TTC7A: variants seen among roughly 807,000 people sequenced by gnomAD.
The protein encoded by TTC7A is tetratricopeptide repeat domain 7A, also known as tetratricopeptide repeat protein 7A.
Under a neutral mutation model 103.7 loss-of-function variants are expected in TTC7A, and 110 were observed. The ratio of observed to expected loss-of-function variants is 1.06; its 90% CI spans 0.91 to 1.24. The LOEUF is 1.24. Among genes scored for constraint, TTC7A ranks in the 50% most tolerant of loss-of-function variants. The pLI is 0.00. For missense variants in TTC7A, 1,340 were observed against 1,116.3 expected (o/e 1.20, Z -2.86); for synonymous variants, 521 against 467.9 (o/e 1.11, Z -1.47).
chr2:47,070,802 A>G (rs1293693912), intron 19 of TTC7A, among the ~76,000 whole-genome samples: 1 of 152,142 alleles, frequency 6.6e-6, no homozygotes, highest in Non-Finnish European at 1.5e-5. Flanking sequence ...TAACCAGCCC[A>G]AAGCGCCCCC....
At chr2:47,024,928 C>G (rs901302288) in intron 14 of TTC7A, among the ~76,000 whole-genome samples, 1 of 152,176 alleles carries the variant, frequency 6.6e-6, no homozygotes, top group African/African-American at 2.4e-5. Context: ...GTCCAGGACT[C>G]CCCACCTCAG....
chr2:46,960,089 C>T (rs996626845), intron 3 of TTC7A, among the ~76,000 whole-genome samples: 1 of 152,316 alleles, frequency 6.6e-6, no homozygotes. Flanking sequence ...CACATGTGCT[C>T]AGACTGACCA....
In TTC7A at chr2:46,916,227, A is replaced by T. The variant is rs916747164; in HGVS notation, c.-363A>T. The T allele has an allele frequency of 6.5e-5, 60 of 929,982 alleles. 1 individual carries two copies. In the African/African-American group the frequency reaches 9.6e-4, roughly 15 times the overall value. The allele number at this position is 929,982 out of a possible 1,614,324, so 57.6% of individuals were successfully genotyped here. A position where few individuals can be genotyped will look rare whatever the true frequency, so the allele number is the denominator to read the frequency against. On this transcript the variant is annotated 5_prime_UTR_variant, in exon 1 of 21. Transcript: ENST00000409245. ...GCAAGTTGGGAAGAAAGATAATAGG[A>T]ATGCTAATTCCTTCTTGATGAAACG...
chr2:47,073,986 C>A lies in TTC7A; in HGVS notation c.*63C>A. On this transcript the variant is annotated 3_prime_UTR_variant, in exon 20 of 20. Transcript: ENST00000319190. Reference sequence around the variant, plus strand: ...GGGAGAGGCAGCAGGGAACGTGGGTCAGGGTGGGGCAACAGTGGCATCAGG... The same window carrying A: ...GGGAGAGGCAGCAGGGAACGTGGGTAAGGGTGGGGCAACAGTGGCATCAGG... 1.5e-6 allele frequency: 2 copies of A among 1,369,116 alleles called. No individual in the cohort carries two copies. The highest frequency in any genetic ancestry group is 2.0e-6 in the Non-Finnish European group (2 of 988,752). 84.8% of individuals were successfully genotyped at this position (1,369,116 alleles called of 1,614,324 possible).
intron 2 of TTC7A, among the ~76,000 whole-genome samples, chr2:46,928,151 C>T (rs1227577872): frequency 6.6e-6 from 1 of 151,850 alleles, no homozygotes; most frequent in Non-Finnish European, 1.5e-5. Flanking sequence ...CTTAACCTCC[C>T]AAAGTGCCGG....
intron 15 of TTC7A, among the ~76,000 whole-genome samples, chr2:47,036,818 A>T (rs1319870080): frequency 1.3e-5 from 2 of 152,214 alleles, no homozygotes; most frequent in African/African-American, 4.8e-5. Context: ...TGATCACACT[A>T]TTACACTCCA....
intron 16 of TTC7A, chr2:47,047,143 C>T (rs758341031): frequency 1.6e-6 from 1 of 631,652 alleles, no homozygotes; most frequent in Non-Finnish European, 2.8e-6. Flanking sequence ...GGAAAGTGGG[C>T]CTCCTTCAGG....
In TTC7A at chr2:46,941,753, G is replaced by A. The variant is rs6755386; in HGVS notation, c.184+28G>A. On this transcript the variant is annotated intron_variant, in intron 1 of 19. Coordinates refer to ENST00000319190, the MANE Select transcript of TTC7A (RefSeq NM_020458.4). This position sits in a 1 kb window ranked among gnomAD's most constrained non-coding sequence, Gnocchi z 4.2. ...GAGTAAGGGAAGAGGCTGGCTCGCC[G>A]GCAGCGAGCGCGCGAAACGCACCGC... 6.5e-7 allele frequency: 1 copy of A among 1,547,004 alleles called. No individual in the cohort carries two copies. The highest frequency in any genetic ancestry group is 1.4e-5 in the African/African-American group (1 of 73,022).
In TTC7A at chr2:46,927,893, T is replaced by G. The variant is rs960526357; in HGVS notation, c.82+10616T>G. On this transcript the variant is annotated intron_variant, in intron 2 of 20. Transcript: ENST00000409245. ...TTGGGGTTTTTTTGGTGTTTTTTTTTTTTTTTTTTTTTTTTTTTGAGACAG... is the reference window on the plus strand; with the variant it reads ...TTGGGGTTTTTTTGGTGTTTTTTTTGTTTTTTTTTTTTTTTTTTGAGACAG... 3.4e-4 allele frequency among the ~76,000 whole-genome samples: 44 copies of G among 128,410 alleles called. No individual in the cohort carries two copies. In the East Asian group the frequency reaches 6.1e-3, roughly 18 times the overall value. 84.2% of individuals were successfully genotyped at this position (128,410 alleles called of 152,430 possible).
At chr2:46,948,649 G>A (rs965941730) in intron 1 of TTC7A, among the ~76,000 whole-genome samples, 2 of 152,042 alleles carry the variant, frequency 1.3e-5, no homozygotes, top group African/African-American at 4.8e-5. Context: ...TTCTAAAGAC[G>A]AGGTCTCCCT....
intron 14 of TTC7A, among the ~76,000 whole-genome samples, chr2:47,024,867 TC>T (rs1679716866): frequency 1.3e-5 from 2 of 152,274 alleles, no homozygotes; most frequent in East Asian, 3.9e-4. Flanking sequence ...CCACCATGAC[TC>T]TGCAGGCAGA....
chr2:47,041,123 C>G (rs370693479), intron 15 of TTC7A, among the ~76,000 whole-genome samples: 14 of 152,296 alleles, frequency 9.2e-5, no homozygotes, highest in Admixed American at 2.0e-4. Context: ...GATTCCACAT[C>G]TGGAGCCCAC....
At chr2:46,951,671 G>A (rs1278946202) in intron 2 of TTC7A, 17 of 456,138 alleles carry the variant, frequency 3.7e-5, no homozygotes, top group Non-Finnish European at 5.3e-5. Flanking sequence ...TCAGCCTCCC[G>A]AAGCGTTGGG....
intron 4 of TTC7A, among the ~76,000 whole-genome samples, chr2:46,977,537 G>C (rs541218916): frequency 6.6e-6 from 1 of 152,328 alleles, no homozygotes; most frequent in South Asian, 2.1e-4. Context: ...CCTGGAACCA[G>C]AGGGCTCTCA....
At chr2:46,965,168 G>A (rs1049433624) in intron 3 of TTC7A, among the ~76,000 whole-genome samples, 18 of 152,310 alleles carry the variant, frequency 1.2e-4, no homozygotes, top group Middle Eastern at 3.4e-3. Context: ...TTTTTTTACT[G>A]TTCTCTTTTG....
intron 2 of TTC7A, among the ~76,000 whole-genome samples, chr2:46,952,329 C>T (rs965756892): frequency 6.6e-6 from 1 of 151,550 alleles, no homozygotes; most frequent in East Asian, 1.9e-4. Flanking sequence ...CCACCAAGAC[C>T]GCTTTTCGTT....
At chr2:47,058,689 G>A (rs1261486467) in intron 18 of TTC7A, among the ~76,000 whole-genome samples, 1 of 152,228 alleles carries the variant, frequency 6.6e-6, no homozygotes, top group East Asian at 1.9e-4. Flanking sequence ...CCCCAGGAGT[G>A]GGCAGCCAAG....
intron 10 of TTC7A, among the ~76,000 whole-genome samples, chr2:47,010,716 T>A (rs114261940): frequency 3.9e-5 from 6 of 152,242 alleles, no homozygotes; most frequent in Non-Finnish European, 2.9e-5. Flanking sequence ...GTTTGTTTGT[T>A]TGAGACACAG....
At chr2:46,975,150 C>T (rs910546753) in intron 4 of TTC7A, 47 bp downstream of exon 4, 7 of 1,606,632 alleles carry the variant, frequency 4.4e-6, no homozygotes, top group Middle Eastern at 1.7e-4. Context: ...CTATTGAGCA[C>T]CTATGTCTAT....
Sources: allele counts gnomAD v4.1 joint callset (sites outside exome capture counted in the v4.1 genomes callset), GRCh38; gene constraint gnomAD v4.1.1; non-coding constraint Gnocchi (gnomAD v3.1); transcripts MANE v1.5; gene names NCBI Gene and HGNC (gene_info 2026-07-23, HGNC 2026-07-21).